The following AIG1 variants were observed in gnomAD, a reference collection of about 807,000 sequenced individuals.
AIG1 encodes the protein androgen induced 1.
In AIG1, 23 loss-of-function variants were observed where a neutral mutation model predicts 31.4. The ratio of observed to expected loss-of-function variants is 0.73; its 90% CI spans 0.53 to 1.04. The LOEUF is 1.04. Ranked by LOEUF, AIG1 falls within the 50% of genes least tolerant of loss-of-function variation. The probability of loss-of-function intolerance (pLI) is 0.00; values close to 1 mark genes in which losing one functional copy is unlikely to be tolerated. For missense variants in AIG1, 274 were observed against 295.0 expected (o/e 0.93, Z 0.52); for synonymous variants, 100 against 110.5 (o/e 0.90, Z 0.60).
At chr6:143,231,890 A>G (rs1562510571) in intron 3 of AIG1, among the ~76,000 whole-genome samples, 1 of 152,230 alleles carries the variant, frequency 6.6e-6, no homozygotes, top group Non-Finnish European at 1.5e-5. Flanking sequence ...AGAATACTAA[A>G]TAAACCATGA....
rs764101038 is a variant in AIG1 at position 143,291,017 on chromosome 6, G to T, written c.515+6792G>T. On this transcript the variant is annotated intron_variant, in intron 4 of 5. Transcript: ENST00000357847. This position sits in a 1 kb window ranked among gnomAD's most constrained non-coding sequence, Gnocchi z 4.2. ...TAGGGGAGCTGTTGGGGGAAGGAAG[G>T]GCCTCTCCACACTGACCAAAGCCAA... 6.6e-6 allele frequency among the ~76,000 whole-genome samples: 1 copy of T among 151,994 alleles called. No homozygotes were observed. Among genetic ancestry groups the T allele is most frequent in the Non-Finnish European group, 1.5e-5 (1 of 68,000 alleles).
At chr6:143,313,745 C>T (rs1208434646) in intron 4 of AIG1, among the ~76,000 whole-genome samples, 3 of 151,802 alleles carry the variant, frequency 2.0e-5, no homozygotes, top group Admixed American at 2.0e-4. Flanking sequence ...GATGGATACC[C>T]CATTTACCCT....
chr6:143,291,662 C>T lies in AIG1; in HGVS notation c.515+7437C>T, dbSNP rs1798068324. Among the ~76,000 whole-genome samples the T allele has an allele frequency of 1.3e-5, 2 of 152,190 alleles. No homozygotes were observed. The highest frequency in any genetic ancestry group is 2.9e-5 in the Non-Finnish European group (2 of 68,036). ...TCTCAGAACCAGTCCACGTCCTCCT[C>T]TTCTACTTCAGGGTCTTAGAGTGCA... On this transcript the variant is annotated intron_variant, in intron 4 of 5. Transcript: ENST00000357847. The surrounding 1 kb of genome is among the most constrained non-coding windows in gnomAD (Gnocchi z 4.2).
chr6:143,310,455 A>G (rs1775173037), intron 4 of AIG1, among the ~76,000 whole-genome samples: 1 of 151,858 alleles, frequency 6.6e-6, no homozygotes, highest in East Asian at 1.9e-4. Flanking sequence ...AAAGAAAATG[A>G]AAATATAACT....
In AIG1 at chr6:143,327,637, C is replaced by A; in HGVS notation, c.516-5645C>A. 1 of 268,706 alleles carries A rather than the reference C, an allele frequency of 3.7e-6. No homozygotes were observed. The highest frequency in any genetic ancestry group is 7.0e-6 in the Non-Finnish European group (1 of 142,088). 16.6% of individuals were successfully genotyped at this position (268,706 alleles called of 1,614,324 possible). A position where few individuals can be genotyped will look rare whatever the true frequency, so the allele number is the denominator to read the frequency against. On this transcript the variant is annotated intron_variant, in intron 4 of 5. Coordinates refer to ENST00000357847, the MANE Select transcript of AIG1 (RefSeq NM_016108.4). The surrounding 1 kb of genome is among the most constrained non-coding windows in gnomAD (Gnocchi z 5.3). Reference sequence around the variant, plus strand: ...CCACTTTCAAAAATCTGCAGATAGTCAATGTGGATGAGAACTAACTGCTGA... The same window carrying A: ...CCACTTTCAAAAATCTGCAGATAGTAAATGTGGATGAGAACTAACTGCTGA...
chr6:143,202,460 A>G (rs1478840167), intron 3 of AIG1, among the ~76,000 whole-genome samples: 1 of 152,208 alleles, frequency 6.6e-6, no homozygotes, highest in Non-Finnish European at 1.5e-5. Flanking sequence ...GGTTTGAATT[A>G]TAAGACAGAA....
intron 1 of AIG1, among the ~76,000 whole-genome samples, chr6:143,107,931 TGACA>T (rs1780946460): frequency 1.3e-5 from 2 of 152,212 alleles, no homozygotes; most frequent in Non-Finnish European, 2.9e-5. Context: ...GTTAAATATA[TGACA>T]GACAGCATGA....
chr6:143,216,979 G>A (rs1217949921), intron 3 of AIG1, among the ~76,000 whole-genome samples: 1 of 152,152 alleles, frequency 6.6e-6, no homozygotes, highest in Non-Finnish European at 1.5e-5. Flanking sequence ...GTCACACAGG[G>A]TTCTATGACT....
chr6:143,185,029 C>G (rs1300996821), intron 3 of AIG1, among the ~76,000 whole-genome samples: 1 of 151,930 alleles, frequency 6.6e-6, no homozygotes, highest in Non-Finnish European at 1.5e-5. Context: ...AACCCGGTCT[C>G]TACTAAAAAT....
chr6:143,300,275 G>A (rs1347736730), intron 4 of AIG1, among the ~76,000 whole-genome samples: 1 of 152,144 alleles, frequency 6.6e-6, no homozygotes, highest in Non-Finnish European at 1.5e-5. Context: ...AGTAATTAAT[G>A]TTTGTCAAAA....
At chr6:143,148,337 CAAAAA>C (rs527337431) in intron 2 of AIG1, among the ~76,000 whole-genome samples, 1 of 46,382 alleles carries the variant, frequency 2.2e-5, no homozygotes, top group African/African-American at 6.8e-5. Context: ...CCCATCTCTA[CAAAAA>C]AAAAAAAAAA....
intron 3 of AIG1, among the ~76,000 whole-genome samples, chr6:143,208,383 T>C (rs1791295319): frequency 6.6e-6 from 1 of 152,160 alleles, no homozygotes; most frequent in South Asian, 2.1e-4. Flanking sequence ...TGCTGAGAGC[T>C]TACATTTGCA....
rs150762761 is a variant in AIG1 at position 143,082,470 on chromosome 6, G to T, written c.141+21404G>T. On this transcript the variant is annotated intron_variant, in intron 1 of 5. Coordinates refer to ENST00000357847, the MANE Select transcript of AIG1 (RefSeq NM_016108.4). The stretch of plus-strand genomic sequence containing the variant: ...GGATTAAGAGTTGCGCAAGTGTGCA[G>T]TCACAGCACTGGTCCTTCAAGTAAT... Among the ~76,000 whole-genome samples the T allele has an allele frequency of 1.2e-3, 177 of 152,328 alleles. 2 individuals carry two copies. In the East Asian group the frequency reaches 0.031, roughly 27 times the overall value.
At chr6:143,165,229 A>G (rs182471677) in intron 3 of AIG1, 46 bp downstream of exon 3, 10 of 1,448,698 alleles carry the variant, frequency 6.9e-6, no homozygotes, top group Non-Finnish European at 9.7e-6. Context: ...TAAAAAATCT[A>G]TTAAATAGCT....
chr6:143,273,367 A>G (rs769396955), intron 3 of AIG1, among the ~76,000 whole-genome samples: 3 of 152,212 alleles, frequency 2.0e-5, no homozygotes, highest in Non-Finnish European at 4.4e-5. Context: ...GTTGCTCCCC[A>G]AACTTGTCAC....
intron 1 of AIG1, among the ~76,000 whole-genome samples, chr6:143,087,119 A>G (rs901472857): frequency 2.6e-5 from 4 of 152,200 alleles, no homozygotes; most frequent in African/African-American, 7.2e-5. Flanking sequence ...TTTTCCTTCA[A>G]TTCTAAGGAA....
chr6:143,223,476 AT>A (rs1158069266), intron 3 of AIG1, among the ~76,000 whole-genome samples: 7 of 151,932 alleles, frequency 4.6e-5, no homozygotes, highest in Admixed American at 2.6e-4. Context: ...TAATGAATTA[AT>A]TTTTTTTCAA....
intron 2 of AIG1, among the ~76,000 whole-genome samples, chr6:143,153,079 A>G (rs557569779): frequency 1.9e-4 from 29 of 152,300 alleles, no homozygotes; most frequent in Admixed American, 1.4e-3. Context: ...CAGAGCGACA[A>G]CTGGTCACAG....
At chr6:143,065,334 T>G (rs1776600914) in intron 1 of AIG1, among the ~76,000 whole-genome samples, 1 of 152,180 alleles carries the variant, frequency 6.6e-6, no homozygotes, top group Non-Finnish European at 1.5e-5. Flanking sequence ...AGACTATCAT[T>G]AAGTAACATG....
Sources: allele counts gnomAD v4.1 joint callset (sites outside exome capture counted in the v4.1 genomes callset), GRCh38; gene constraint gnomAD v4.1.1; non-coding constraint Gnocchi (gnomAD v3.1); transcripts MANE v1.5; gene names NCBI Gene and HGNC (gene_info 2026-07-23, HGNC 2026-07-21).